IL1RAPL1: variants seen among roughly 807,000 people sequenced by gnomAD.
IL1RAPL1 encodes the protein interleukin 1 receptor accessory protein like 1.
In IL1RAPL1, 3 loss-of-function variants were observed where a neutral mutation model predicts 48.4. The ratio of observed to expected loss-of-function variants is 0.06; its 90% CI spans 0.03 to 0.16. The LOEUF is 0.16. Among genes scored for constraint, IL1RAPL1 ranks in the 10% least tolerant of loss-of-function variants. IL1RAPL1 has a pLI of 1.00. For synonymous variants in IL1RAPL1, 185 were observed against 187.7 expected, an observed-to-expected ratio of 0.99 and a Z score of 0.12; for missense variants, 349 against 530.6, an observed-to-expected ratio of 0.66 and a Z score of 3.36.
intron 3 of IL1RAPL1, among the ~76,000 whole-genome samples, chrX:29,375,271 C>T (rs1453959287): frequency 9.7e-6 from 1 of 103,537 alleles, no homozygotes; most frequent in East Asian, 3.0e-4. Context: ...AAGCCATTCT[C>T]GTGCCTTAGC....
At chrX:28,989,737 A>G (rs1485676595) in intron 2 of IL1RAPL1, among the ~76,000 whole-genome samples, 1 of 112,392 alleles carries the variant, frequency 8.9e-6, no homozygotes, top group Non-Finnish European at 1.9e-5. Flanking sequence ...TGAACATAAA[A>G]TATAGAATAG....
In IL1RAPL1 at chrX:29,856,397, A is replaced by G. The variant is rs145044916; in HGVS notation, c.779-61067A>G. ...TTAAAATTATTCAGAATGTACTAAG[A>G]TGAGACAGTTTATATATGCATCATG... On this transcript the variant is annotated intron_variant, in intron 6 of 10. Coordinates refer to ENST00000378993, the MANE Select transcript of IL1RAPL1 (RefSeq NM_014271.4). Among the ~76,000 whole-genome samples, 569 of 111,953 alleles carry G rather than the reference A, an allele frequency of 5.1e-3. 2 individuals carry two copies. The highest frequency in any genetic ancestry group is 0.018 in the African/African-American group (556 of 30,865).
intron 2 of IL1RAPL1, among the ~76,000 whole-genome samples, chrX:28,996,206 C>T (rs1458588607): frequency 9.0e-6 from 1 of 111,341 alleles, no homozygotes; most frequent in African/African-American, 3.3e-5. Flanking sequence ...TAAATGAAAT[C>T]CAGTCATATG....
intron 5 of IL1RAPL1, among the ~76,000 whole-genome samples, chrX:29,454,052 A>G (rs1934711151): frequency 8.9e-6 from 1 of 112,253 alleles, no homozygotes; most frequent in East Asian, 2.8e-4. Flanking sequence ...TTTCTTTAAG[A>G]TATCTTCAAT....
chrX:28,633,285 T>C (rs1569142175), intron 1 of IL1RAPL1, among the ~76,000 whole-genome samples: 1 of 111,155 alleles, frequency 9.0e-6, no homozygotes, highest in Non-Finnish European at 1.9e-5. Context: ...CTCCAAAATC[T>C]CCTGAGGACC....
In IL1RAPL1 at chrX:29,350,262, C is replaced by CA. The variant is rs1250101524; in HGVS notation, c.363-45996_363-45995insA. ...TGTGTGTTTGGATACACCCCCCCCC[C>CA]CACCTGGCTCATAGACACACTGCCA... On this transcript the variant is annotated intron_variant, in intron 3 of 10. Transcript: ENST00000378993. Among the ~76,000 whole-genome samples, 21 of 83,157 alleles carry CA rather than the reference C, an allele frequency of 2.5e-4. 3 individuals carry two copies. Among genetic ancestry groups the CA allele is most frequent in the African/African-American group, 1.1e-3 (20 of 17,850 alleles). 72.2% of individuals were successfully genotyped at this position (83,157 alleles called of 115,157 possible).
intron 1 of IL1RAPL1, among the ~76,000 whole-genome samples, chrX:28,720,489 G>A (rs765900399): frequency 7.1e-4 from 79 of 111,716 alleles, no homozygotes; most frequent in Non-Finnish European, 9.2e-4. Context: ...TCTTCCCCTG[G>A]TTCATGGCAT....
At chrX:28,754,784 T>C (rs1175777463) in intron 1 of IL1RAPL1, among the ~76,000 whole-genome samples, 5 of 112,180 alleles carry the variant, frequency 4.5e-5, no homozygotes, top group Admixed American at 2.8e-4. Flanking sequence ...TGGAACAACG[T>C]TGGAAATCCC....
At chrX:29,092,129 G>A (rs1394127955) in intron 2 of IL1RAPL1, among the ~76,000 whole-genome samples, 1 of 110,681 alleles carries the variant, frequency 9.0e-6, no homozygotes, top group Non-Finnish European at 1.9e-5. Flanking sequence ...TTAATTCATG[G>A]GGGTTCTAGG....
intron 5 of IL1RAPL1, among the ~76,000 whole-genome samples, chrX:29,470,372 T>C (rs138300082): frequency 0.031 from 3,428 of 111,251 alleles, 68 homozygotes; most frequent in Non-Finnish European, 0.05. Context: ...ATGTGGTAAA[T>C]CATACATTGA....
intron 5 of IL1RAPL1, among the ~76,000 whole-genome samples, chrX:29,509,523 A>G (rs1026830340): frequency 2.7e-5 from 3 of 112,552 alleles, no homozygotes; most frequent in Non-Finnish European, 5.6e-5. Context: ...GTAAATTGCT[A>G]CAATTGAGAA....
chrX:29,166,533 T>C (rs1249318326), intron 2 of IL1RAPL1, among the ~76,000 whole-genome samples: 1 of 111,615 alleles, frequency 9.0e-6, no homozygotes, highest in Non-Finnish European at 1.9e-5. Flanking sequence ...CTGCATTCAC[T>C]CTTGCCTGGT....
intron 1 of IL1RAPL1, among the ~76,000 whole-genome samples, chrX:28,772,165 C>G (rs375082539): frequency 9.0e-6 from 1 of 110,681 alleles, no homozygotes; most frequent in African/African-American, 3.3e-5. Flanking sequence ...TTGAGAAATG[C>G]TCTCAACAGA....
At chrX:29,364,769 A>G (rs958859403) in intron 3 of IL1RAPL1, among the ~76,000 whole-genome samples, 5 of 110,722 alleles carry the variant, frequency 4.5e-5, no homozygotes, top group African/African-American at 1.3e-4. Flanking sequence ...GAGGATGTGC[A>G]TAAGTTATAT....
At chrX:29,888,206 A>G (rs1321499672) in intron 6 of IL1RAPL1, among the ~76,000 whole-genome samples, 2 of 109,362 alleles carry the variant, frequency 1.8e-5, no homozygotes, top group African/African-American at 6.7e-5. Flanking sequence ...AGCCTTTGTG[A>G]ATAACATTGC....
chrX:29,022,227 A>G (rs761606673), intron 2 of IL1RAPL1, among the ~76,000 whole-genome samples: 1 of 111,203 alleles, frequency 9.0e-6, no homozygotes, highest in South Asian at 3.8e-4. Context: ...AGAGTCCTCT[A>G]TTCTCAAGGC....
intron 1 of IL1RAPL1, among the ~76,000 whole-genome samples, chrX:28,675,320 A>G: frequency 9.0e-6 from 1 of 111,427 alleles, no homozygotes; most frequent in South Asian, 3.7e-4. Context: ...TCTTATTTCC[A>G]TAGTATTGTT....
chrX:28,924,614 A>G (rs1212393191), intron 2 of IL1RAPL1, among the ~76,000 whole-genome samples: 2 of 111,484 alleles, frequency 1.8e-5, no homozygotes, highest in African/African-American at 6.5e-5. Flanking sequence ...CACACAGGAA[A>G]CTTTTCTAGA....
chrX:28,967,576 G>A (rs1924951184), intron 2 of IL1RAPL1, among the ~76,000 whole-genome samples: 1 of 110,120 alleles, frequency 9.1e-6, no homozygotes, highest in Non-Finnish European at 1.9e-5. Flanking sequence ...GTCTTTCTAG[G>A]CTCACTACTT....
Sources: gnomAD v4.1 joint callset for allele counts (sites outside exome capture counted in the v4.1 genomes callset) on GRCh38, gnomAD v4.1.1 for gene constraint, MANE v1.5 for transcripts, NCBI Gene and HGNC (gene_info 2026-07-23, HGNC 2026-07-21) for gene names.